The following PSMB4 variants were observed in gnomAD, a reference collection of about 807,000 sequenced individuals.
The protein encoded by PSMB4 is proteasome 20S subunit beta 4.
Under a neutral mutation model 35.2 loss-of-function variants are expected in PSMB4, and 16 were observed. The ratio of observed to expected loss-of-function variants is 0.45; its 90% confidence interval spans 0.31 to 0.69. PSMB4 has a LOEUF of 0.69. Among genes scored for constraint, PSMB4 ranks in the 30% least tolerant of loss-of-function variants. The pLI is 0.06. For missense variants in PSMB4, 333 were observed against 351.8 expected, an observed-to-expected ratio of 0.95 and a Z score of 0.43; for synonymous variants, 144 against 134.1, an observed-to-expected ratio of 1.07 and a Z score of -0.51.
Position 151,400,202 on chromosome 1 carries a change from G to T in PSMB4, c.347+15G>T, listed in dbSNP as rs202128210. Reference sequence around the variant, plus strand: ...GGCCAGATGGTGTAAGTCATCCAGAGAACAGGAGAGTGGTTCCCAAGTAGA... The same window carrying T: ...GGCCAGATGGTGTAAGTCATCCAGATAACAGGAGAGTGGTTCCCAAGTAGA... On this transcript the variant is annotated intron_variant, in intron 2 of 6. Coordinates refer to ENST00000290541, the MANE Select transcript of PSMB4 (RefSeq NM_002796.3). 4.3e-6 allele frequency: 7 copies of T among 1,612,054 alleles called. No homozygotes were observed. In the African/African-American group the frequency reaches 5.3e-5, roughly 12 times the overall value.
Position 151,399,625 on chromosome 1 carries a change from C to A in PSMB4, c.38C>A (p.Ala13Glu), listed in dbSNP as rs770030168. The A allele has an allele frequency of 3.7e-6, 6 of 1,613,546 alleles. No individual in the cohort carries two copies. The highest frequency in any genetic ancestry group is 1.3e-5 in the African/African-American group (1 of 74,910). Residue 13 changes from alanine to glutamate, a missense_variant, in exon 1 of 7, where the codon GCG (alanine) becomes GAG (glutamate). By Grantham distance (107) the Ala-to-Glu change is moderately radical. Coordinates refer to ENST00000290541, the MANE Select transcript of PSMB4 (RefSeq NM_002796.3). The stretch of plus-strand genomic sequence containing the variant: ...TTGGGGTCGCGGTCCGGACTTTGGG[C>A]GGGGGGTCCGGCCCCAGGACAGTTT... ...AFLGSRSGLW[A>E]GGPAPGQFYR...
Position 151,401,309 on chromosome 1 carries a change from G to A in PSMB4, c.647G>A (p.Arg216His), listed in dbSNP as rs1422067003. The part of the protein sequence containing the change: ...SQTEARDLVE[R>H]CMRVLYYRDA... ...ACCGAGGCCCGCGACTTAGTAGAAC[G>A]CTGCATGCGAGTGCTGTACTACCGA... The change falls in exon 5 of 7, where the codon CGC (arginine) becomes CAC (histidine). Residue 216 changes from arginine (R) to histidine (H), a missense_variant. Transcript: ENST00000290541. The A allele has an allele frequency of 1.9e-6, 3 of 1,614,076 alleles. No homozygotes were observed. The highest frequency in any genetic ancestry group is 2.5e-6 in the Non-Finnish European group (3 of 1,180,014).
chr1:151,400,126 C>A lies in PSMB4; in HGVS notation c.286C>A (p.Leu96Met). 6.2e-7 allele frequency: 1 copy of A among 1,614,198 alleles called. No individual in the cohort carries two copies. Among genetic ancestry groups the A allele is most frequent in the Non-Finnish European group, 8.5e-7 (1 of 1,180,030 alleles). Residue 96 changes from leucine to methionine, a missense_variant, in exon 2 of 7, where the codon CTG (leucine) becomes ATG (methionine). Coordinates refer to ENST00000290541, the MANE Select transcript of PSMB4 (RefSeq NM_002796.3). ...TATGCGAGTCAACAACAGTACCATG[C>A]TGGGTGCCTCTGGCGACTACGCTGA... Reference protein sequence around the residue: ...RIMRVNNSTMLGASGDYADFQ... With the variant: ...RIMRVNNSTMMGASGDYADFQ...
intron 6 of PSMB4, 70 bp from the exon 7 acceptor site, chr1:151,401,747 C>A: frequency 6.4e-7 from 1 of 1,562,714 alleles, no homozygotes; most frequent in Non-Finnish European, 8.8e-7. Flanking sequence ...TTTGGTTGGA[C>A]AGTACAGCTA....
At chr1:151,401,093 G>T in intron 4 of PSMB4, 146 bp from the exon 5 acceptor site, 1 of 824,980 alleles carries the variant, frequency 1.2e-6, no homozygotes. Context: ...GTGGCTCTTA[G>T]CTTATTTTCT....
rs1652762077 is a variant in PSMB4 at position 151,400,093 on chromosome 1, T to A, written c.253T>A (p.Ser85Thr). The change falls in exon 2 of 7, where the codon TCT becomes ACT. Residue 85 changes from serine to threonine, a missense_variant. Physicochemically the swap from Ser to Thr is moderately conservative, Grantham distance 58. Transcript: ENST00000290541. ...CTCCTTGGCTCGTTTCCGCAACATC[T>A]CTCGCATTATGCGAGTCAACAACAG... ...YGSLARFRNI[S>T]RIMRVNNSTM... 6.2e-7 allele frequency: 1 copy of A among 1,614,100 alleles called. No individual in the cohort carries two copies. Among genetic ancestry groups the A allele is most frequent in the Non-Finnish European group, 8.5e-7 (1 of 1,180,016 alleles).
At position 151,401,629 on chromosome 1, in the gene PSMB4, AGGTGAGTAATAGGGAAAAAATT is replaced by A. The variant is rs1652843125; in HGVS notation, c.782+5_782+26del. 6.2e-7 allele frequency: 1 copy of A among 1,602,038 alleles called. No homozygotes were observed. The highest frequency in any genetic ancestry group is 8.6e-7 in the Non-Finnish European group (1 of 1,169,194). On this transcript the variant is annotated splice_donor_variant and splice_donor_5th_base_variant and coding_sequence_variant and intron_variant, in exon 6 of 7. Transcript: ENST00000290541. LOFTEE classifies it high-confidence loss of function. ...CAACTGGGATATTGCCCACATGATC[AGGTGAGTAATAGGGAAAAAATT>A]GGTGACAGACTTGGGAGGTCTTTGG... is the stretch of plus-strand genomic sequence containing the variant.
chr1:151,401,569 G>T lies in PSMB4; in HGVS notation c.721G>T (p.Gly241Cys). ...TCAAATCGCCACTGTCACCGAAAAA[G>T]GTGTTGAAATAGAGGGACCATTGTC... ...RFQIATVTEK[G>C]VEIEGPLSTE... is the part of the protein sequence containing the mutation. The change falls in exon 6 of 7, where the codon GGT (glycine) becomes TGT (cysteine). Residue 241 changes from glycine to cysteine, a missense_variant. Transcript: ENST00000290541. 2 of 1,612,704 alleles carry T rather than the reference G, an allele frequency of 1.2e-6. No homozygotes were observed. Among genetic ancestry groups the T allele is most frequent in the Non-Finnish European group, 1.7e-6 (2 of 1,178,680 alleles).
At chr1:151,400,212 G>C in intron 2 of PSMB4, 25 bp downstream of exon 2, 1 of 1,609,386 alleles carries the variant, frequency 6.2e-7, no homozygotes, top group East Asian at 2.2e-5. Context: ...GAACAGGAGA[G>C]TGGTTCCCAA....
chr1:151,401,208 T>TC (rs1453955455), intron 4 of PSMB4, 31 bp from the exon 5 acceptor site: 7 of 1,548,928 alleles, frequency 4.5e-6, no homozygotes, highest in Non-Finnish European at 5.4e-6. Context: ...CAGCCCAATA[T>TC]CCCCCCATGG....
Position 151,399,716 on chromosome 1 carries a change from C to A in PSMB4, c.129C>A (p.Ile43=). The A allele has an allele frequency of 6.2e-7, 1 of 1,614,100 alleles. No individual in the cohort carries two copies. Among genetic ancestry groups the A allele is most frequent in the Non-Finnish European group, 8.5e-7 (1 of 1,180,024 alleles). The change falls in exon 1 of 7, where the codon ATC becomes ATA. Residue 43 remains isoleucine, a synonymous_variant. Transcript: ENST00000290541. ...DPASALYRGP[I]TRTQNPMVTG... ...CGTCTGCACTTTACAGAGGTCCAAT[C>A]ACGCGGACCCAGTAAGTTCTCGGCG...
At position 151,401,384 on chromosome 1, in the gene PSMB4, C is replaced by T. The variant is rs781383962; in HGVS notation, c.693+29C>T. 96 of 1,603,734 alleles carry T rather than the reference C, an allele frequency of 6.0e-5. No homozygotes were observed. The South Asian group carries it at 8.1e-4, about 14-fold the overall frequency. On this transcript the variant is annotated intron_variant, in intron 5 of 6. Coordinates refer to ENST00000290541, the MANE Select transcript of PSMB4 (RefSeq NM_002796.3). The stretch of plus-strand genomic sequence containing the variant: ...AGGGATGTGCTGGGAACCTAATTGG[C>T]GGGCTCTGGCTACTTGCAATCCCTG...
Position 151,401,920 on chromosome 1 carries a change from A to G in PSMB4, c.*91A>G. 2 of 1,347,714 alleles carry G rather than the reference A, an allele frequency of 1.5e-6. No individual in the cohort carries two copies. Among genetic ancestry groups the G allele is most frequent in the South Asian group, 1.2e-5 (1 of 82,900 alleles). 83.5% of individuals were successfully genotyped at this position (1,347,714 alleles called of 1,614,324 possible). On this transcript the variant is annotated 3_prime_UTR_variant, in exon 7 of 7. Transcript: ENST00000290541. ...GATAGACTCTTCTTTTGTAAAGTAA[A>G]TAAATTCTTCAAAATGCTTGCTGAG...
Position 151,400,117 on chromosome 1 carries a change from A to G in PSMB4, c.277A>G (p.Ser93Gly), listed in dbSNP as rs1216068220. Reference sequence around the variant, plus strand: ...CTCTCGCATTATGCGAGTCAACAACAGTACCATGCTGGGTGCCTCTGGCGA... The same window carrying G: ...CTCTCGCATTATGCGAGTCAACAACGGTACCATGCTGGGTGCCTCTGGCGA... ...NISRIMRVNN[S>G]TMLGASGDYA... The change falls in exon 2 of 7, where the codon AGT becomes GGT. Residue 93 changes from serine to glycine, a missense_variant. Transcript: ENST00000290541. 3 of 1,614,138 alleles carry G rather than the reference A, an allele frequency of 1.9e-6. No homozygotes were observed. The highest frequency in any genetic ancestry group is 2.5e-6 in the Non-Finnish European group (3 of 1,180,024).
At position 151,400,053 on chromosome 1, in the gene PSMB4, G is replaced by A; in HGVS notation, c.213G>A (p.Met71Ile). The A allele has an allele frequency of 1.2e-6, 2 of 1,614,164 alleles. No homozygotes were observed. Among genetic ancestry groups the A allele is most frequent in the African/African-American group, 1.3e-5 (1 of 75,052 alleles). ...FEGGVVIAADMLGSYGSLARF... is the reference protein window; with the variant it reads ...FEGGVVIAADILGSYGSLARF... ...GCGGAGTGGTGATTGCCGCAGACATGCTGGGATCCTACGGCTCCTTGGCTC... is the reference window on the plus strand; with the variant it reads ...GCGGAGTGGTGATTGCCGCAGACATACTGGGATCCTACGGCTCCTTGGCTC... Residue 71 changes from methionine (M) to isoleucine (I), a missense_variant, in exon 2 of 7, where the codon ATG (methionine) becomes ATA (isoleucine). Physicochemically the swap from Met to Ile is conservative, Grantham distance 10. Transcript: ENST00000290541.
In PSMB4 at chr1:151,399,698, A is replaced by C. The variant is rs755459175; in HGVS notation, c.111A>C (p.Ala37=). 2.5e-6 allele frequency: 4 copies of C among 1,614,106 alleles called. No homozygotes were observed. The highest frequency in any genetic ancestry group is 1.7e-5 in the Admixed American group (1 of 60,022). The change falls in exon 1 of 7, where the codon GCA becomes GCC. Residue 37 remains alanine (A), a synonymous_variant. Coordinates refer to ENST00000290541, the MANE Select transcript of PSMB4 (RefSeq NM_002796.3). ...ATTCCTTCATGGATCCGGCGTCTGC[A>C]CTTTACAGAGGTCCAATCACGCGGA... ...TPDSFMDPAS[A]LYRGPITRTQ... is the part of the protein sequence containing the mutation.
chr1:151,400,149 T>A lies in PSMB4; in HGVS notation c.309T>A (p.Ala103=). The change falls in exon 2 of 7, where the codon GCT becomes GCA. Residue 103 remains alanine (A), a synonymous_variant. Transcript: ENST00000290541. ...STMLGASGDY[A]DFQYLKQVLG... is the part of the protein sequence containing the mutation. ...TGCTGGGTGCCTCTGGCGACTACGC[T>A]GATTTCCAGTATTTGAAGCAAGTTC... 6.2e-7 allele frequency: 1 copy of A among 1,614,150 alleles called. No homozygotes were observed. The highest frequency in any genetic ancestry group is 8.5e-7 in the Non-Finnish European group (1 of 1,180,030).
At chr1:151,401,136 G>A in intron 4 of PSMB4, 103 bp from the exon 5 acceptor site, 1 of 1,021,764 alleles carries the variant, frequency 9.8e-7, no homozygotes, top group Non-Finnish European at 1.5e-6. Flanking sequence ...GCAAGAAGTA[G>A]AATGTCATCT....
At chr1:151,400,671 G>A in intron 3 of PSMB4, 83 bp downstream of exon 3, 1 of 1,611,018 alleles carries the variant, frequency 6.2e-7, no homozygotes, top group Non-Finnish European at 8.5e-7. Context: ...TTCTCCCCAA[G>A]TGAATCCCAC....
Sources: gnomAD v4.1 joint callset for allele counts on GRCh38, gnomAD v4.1.1 for gene constraint, MANE v1.5 for transcripts, NCBI Gene and HGNC (gene_info 2026-07-23, HGNC 2026-07-21) for gene names.